The following APBA1 variants were observed in gnomAD, a reference collection of about 807,000 sequenced individuals.
The protein encoded by APBA1 is amyloid beta precursor protein binding family A member 1.
In APBA1, 55 loss-of-function variants were observed where a neutral mutation model predicts 86.6. That is an observed-to-expected ratio of 0.64 (90% confidence interval 0.51 to 0.80). The LOEUF (loss-of-function observed/expected upper bound fraction) is 0.80. Ranked by LOEUF, APBA1 falls within the 30% of genes least tolerant of loss-of-function variation. APBA1 has a pLI of 0.00. For missense variants in APBA1, 1,090 were observed against 1,183.0 expected, an observed-to-expected ratio of 0.92 and a Z score of 1.15; for synonymous variants, 511 against 493.9, an observed-to-expected ratio of 1.03 and a Z score of -0.46.
At chr9:69,523,372 G>C (rs946021964) in intron 1 of APBA1, among the ~76,000 whole-genome samples, 4 of 150,866 alleles carry the variant, frequency 2.7e-5, no homozygotes, top group Non-Finnish European at 5.9e-5. Flanking sequence ...ACAGAGAGAA[G>C]TTTGTGTACG....
At chr9:69,451,395 A>G (rs1380474251) in intron 9 of APBA1, among the ~76,000 whole-genome samples, 1 of 152,146 alleles carries the variant, frequency 6.6e-6, no homozygotes, top group Non-Finnish European at 1.5e-5. Context: ...TTCTCATTAA[A>G]AGTTCTTTTT....
chr9:69,503,798 T>C lies in APBA1; in HGVS notation c.1200+12213A>G, dbSNP rs533540308. Among the ~76,000 whole-genome samples, 17 of 152,182 alleles carry C rather than the reference T, an allele frequency of 1.1e-4. 1 individual carries two copies. The South Asian group carries it at 3.3e-3, about 30-fold the overall frequency. ...GGAGCCCTCTGAGCGGCAGGCCACA[T>C]GGGATTGGTGGTTGGACTTCTGCAT... On this transcript the variant is annotated intron_variant, in intron 2 of 12. Coordinates refer to ENST00000265381, the MANE Select transcript of APBA1 (RefSeq NM_001163.4).
chr9:69,445,353 T>G (rs1218857703), intron 10 of APBA1, among the ~76,000 whole-genome samples: 1 of 152,218 alleles, frequency 6.6e-6, no homozygotes, highest in East Asian at 1.9e-4. Context: ...AATCAATGTT[T>G]CATGTTGGGT....
intron 1 of APBA1, among the ~76,000 whole-genome samples, chr9:69,565,152 C>T (rs1837005209): frequency 6.6e-6 from 1 of 151,942 alleles, no homozygotes; most frequent in Admixed American, 6.6e-5. Flanking sequence ...TATTCACCTG[C>T]AAAAACCTCC....
chr9:69,429,413 CT>C lies in APBA1; in HGVS notation c.*1913del, dbSNP rs920092122. 1.3e-5 allele frequency: 2 copies of C among 152,190 alleles called. No homozygotes were observed. The highest frequency in any genetic ancestry group is 4.8e-5 in the African/African-American group (2 of 41,454). 9.4% of individuals were successfully genotyped at this position (152,190 alleles called of 1,614,324 possible). ...CATCCTTCAAAGAAGTCCTGGGGAG[CT>C]TTACGGACCATCCCAGAGCCCCTGG... On this transcript the variant is annotated 3_prime_UTR_variant, in exon 13 of 13. Transcript: ENST00000265381.
intron 1 of APBA1, among the ~76,000 whole-genome samples, chr9:69,658,569 ATTT>A (rs71356125): frequency 3.5e-4 from 49 of 141,014 alleles, no homozygotes; most frequent in African/African-American, 1.2e-3. Context: ...TGCCCAGCTA[ATTT>A]TTTTTTTTTT....
Position 69,452,164 on chromosome 9 carries a change from G to A in APBA1, c.1926C>T (p.Asn642=), listed in dbSNP as rs779282599. 3.0e-5 allele frequency: 48 copies of A among 1,614,064 alleles called. No individual in the cohort carries two copies. The highest frequency in any genetic ancestry group is 2.2e-4 in the Admixed American group (13 of 60,012). The change falls in exon 9 of 13, where the codon AAC becomes AAT. Residue 642 remains asparagine, a synonymous_variant. Transcript: ENST00000265381. ...ACTTGGAGAAGTGGATCAGGTCATC[G>A]TTGTACATGTCCTGGGTATTGAGCA... ...SDLLNTQDMY[N]DDLIHFSKSE...
chr9:69,629,953 T>C (rs1011615975), intron 1 of APBA1, among the ~76,000 whole-genome samples: 1 of 151,936 alleles, frequency 6.6e-6, no homozygotes, highest in East Asian at 1.9e-4. Flanking sequence ...AAAGCAGATA[T>C]AGATTCCCAA....
chr9:69,562,660 C>A (rs890785137), intron 1 of APBA1, among the ~76,000 whole-genome samples: 1 of 152,072 alleles, frequency 6.6e-6, no homozygotes, highest in Admixed American at 6.5e-5. Context: ...CAGACGTGAG[C>A]CACTGTACCC....
intron 2 of APBA1, among the ~76,000 whole-genome samples, chr9:69,502,132 A>G (rs560399955): frequency 1.4e-5 from 2 of 147,922 alleles, no homozygotes; most frequent in Admixed American, 1.3e-4. Flanking sequence ...TGGAGCCCAG[A>G]GGGTTAAAAA....
chr9:69,487,756 A>T (rs534721428), intron 2 of APBA1, among the ~76,000 whole-genome samples: 41 of 152,088 alleles, frequency 2.7e-4, no homozygotes, highest in African/African-American at 8.4e-4. Context: ...GAAAACCCTT[A>T]CCAGAAGCAG....
chr9:69,645,620 T>C (rs1027866015), intron 1 of APBA1, among the ~76,000 whole-genome samples: 40 of 152,194 alleles, frequency 2.6e-4, no homozygotes, highest in African/African-American at 9.7e-4. Flanking sequence ...GGAGGCGGAC[T>C]GGGAGCTTAC....
At chr9:69,649,388 C>A (rs1051071381) in intron 1 of APBA1, among the ~76,000 whole-genome samples, 7 of 152,186 alleles carry the variant, frequency 4.6e-5, no homozygotes, top group Non-Finnish European at 1.0e-4. Context: ...CTCCAGCCAG[C>A]TAACCCACAC....
intron 11 of APBA1, 60 bp from the exon 12 acceptor site, chr9:69,432,736 C>A (rs747900913): frequency 1.4e-6 from 2 of 1,396,470 alleles, no homozygotes; most frequent in Non-Finnish European, 9.3e-7. Context: ...GCTGGAAGGC[C>A]GTCTTTCCTG....
rs547681010 is a variant in APBA1, at chr9:69,446,304, C to A, written c.2181+3280G>T. ...CGGACCATCACATTTCCCCATTCAA[C>A]AAGCGGCGCACTGTGGCAGGGAGGA... On this transcript the variant is annotated intron_variant, in intron 10 of 12. Transcript: ENST00000265381. Among the ~76,000 whole-genome samples the A allele has an allele frequency of 2.6e-5, 4 of 152,234 alleles. No individual in the cohort carries two copies. In the East Asian group the frequency reaches 7.8e-4, roughly 30 times the overall value.
intron 2 of APBA1, 137 bp downstream of exon 2, chr9:69,515,873 GC>G (rs1255826948): frequency 2.2e-6 from 2 of 897,222 alleles, no homozygotes; most frequent in Non-Finnish European, 3.2e-6. Context: ...TGTTTCTGAG[GC>G]TTACGGTGGA....
intron 1 of APBA1, among the ~76,000 whole-genome samples, chr9:69,525,197 C>T (rs1229071496): frequency 6.6e-6 from 1 of 152,114 alleles, no homozygotes; most frequent in Non-Finnish European, 1.5e-5. Context: ...ACCGTCATCA[C>T]CTATTCAGCA....
chr9:69,599,955 G>A (rs980286491), intron 1 of APBA1, among the ~76,000 whole-genome samples: 13 of 152,264 alleles, frequency 8.5e-5, no homozygotes, highest in East Asian at 1.9e-4. Context: ...CACTTTGCCC[G>A]GTAGCGTTTC....
rs761219932 is a variant in APBA1, at chr9:69,516,591, A to G, written c.620T>C (p.Leu207Pro). Residue 207 changes from leucine to proline, a missense_variant, in exon 2 of 13, where the codon CTG becomes CCG. By Grantham distance (98) the Leu-to-Pro change is moderately conservative. Coordinates refer to ENST00000265381, the MANE Select transcript of APBA1 (RefSeq NM_001163.4). The surrounding 1 kb of genome is among the most constrained non-coding windows in gnomAD (Gnocchi z 7.3). ...GAGCCGCAGGCCGTCGCGTGCGTCC[A>G]GCTCGGGCGCGTCCCCTATCTCCTC... ...VYEEIGDAPE[L>P]DARDGLRLYE... 5.6e-6 allele frequency: 9 copies of G among 1,603,344 alleles called. No homozygotes were observed. The East Asian group carries it at 2.0e-4, about 36-fold the overall frequency.
Sources: allele counts gnomAD v4.1 joint callset (sites outside exome capture counted in the v4.1 genomes callset), GRCh38; gene constraint gnomAD v4.1.1; non-coding constraint Gnocchi (gnomAD v3.1); transcripts MANE v1.5; gene names NCBI Gene and HGNC (gene_info 2026-07-23, HGNC 2026-07-21).